The following PRH1 variants were observed in gnomAD, a reference collection of about 807,000 sequenced individuals.
The protein encoded by PRH1 is salivary acidic proline-rich phosphoprotein 1/2.
In PRH1, 7 loss-of-function variants were observed where a neutral mutation model predicts 7.9. That is an observed-to-expected ratio of 0.89 (90% confidence interval 0.50 to 1.67). The LOEUF (loss-of-function observed/expected upper bound fraction) is 1.67, where lower values mean the gene tolerates loss of function less well. PRH1 is among the 40% of genes most tolerant of loss of function. The pLI is 0.00. For missense variants in PRH1, 109 were observed against 223.6 expected (o/e 0.49, Z 3.27); for synonymous variants, 45 against 80.8 (o/e 0.56, Z 2.38).
At chr12:11,084,477 C>A (rs78131317) in intron 1 of PRH1, among the ~76,000 whole-genome samples, 2 of 145,476 alleles carry the variant, frequency 1.4e-5, no homozygotes, top group South Asian at 2.1e-4. Context: ...AATACTGGGT[C>A]TTCAGATGTG....
intron 1 of PRH1, among the ~76,000 whole-genome samples, chr12:11,128,348 A>C (rs1052201519): frequency 7.2e-6 from 1 of 138,010 alleles, no homozygotes; most frequent in Non-Finnish European, 1.6e-5. Context: ...ACTGTTTCTA[A>C]GAGGGGATCT....
intron 2 of PRH1, among the ~76,000 whole-genome samples, chr12:10,952,527 C>T (rs1937736640): frequency 6.6e-6 from 1 of 152,074 alleles, no homozygotes; most frequent in Non-Finnish European, 1.5e-5. Context: ...TCAAAGTTTA[C>T]TGCAAGTTTA....
At chr12:11,015,148 C>T (rs1412213384) in intron 1 of PRH1, among the ~76,000 whole-genome samples, 2 of 152,218 alleles carry the variant, frequency 1.3e-5, no homozygotes, top group African/African-American at 4.8e-5. Flanking sequence ...GTGTACAACT[C>T]CAGTAAACAC....
chr12:10,906,852 CAG>C (rs2135819682), intron 2 of PRH1, among the ~76,000 whole-genome samples: 1 of 152,148 alleles, frequency 6.6e-6, no homozygotes, highest in East Asian at 1.9e-4. Flanking sequence ...TGGACTAATA[CAG>C]AGACTATATA....
chr12:11,101,232 T>A (rs1945237943), intron 1 of PRH1, among the ~76,000 whole-genome samples: 1 of 152,128 alleles, frequency 6.6e-6, no homozygotes, highest in Non-Finnish European at 1.5e-5. Context: ...CTCACACCTG[T>A]AATCCCATCA....
chr12:11,167,489 G>A (rs1319879217), intron 1 of PRH1, among the ~76,000 whole-genome samples: 2 of 148,920 alleles, frequency 1.3e-5, no homozygotes, highest in South Asian at 2.1e-4. Flanking sequence ...CTGTCACCCA[G>A]GCTGGAGTGC....
intron 2 of PRH1, among the ~76,000 whole-genome samples, chr12:10,911,486 C>G (rs1591671015): frequency 6.6e-6 from 1 of 152,160 alleles, no homozygotes; most frequent in East Asian, 1.9e-4. Context: ...TTTCAGCAGT[C>G]TGAACTGAAA....
intron 2 of PRH1, among the ~76,000 whole-genome samples, chr12:10,905,861 A>G (rs1949795301): frequency 6.6e-6 from 1 of 152,194 alleles, no homozygotes; most frequent in South Asian, 2.1e-4. Flanking sequence ...GAACTATACA[A>G]TTTTAACTAA....
rs150378454 is a variant in PRH1, at chr12:11,163,775, T to C, written n.39+7647A>G. ...GCAGATTCAAAGCTAAGCATCTAGA[T>C]ACAATGTGTGTATCAGATTTTTTAC... On this transcript the variant is annotated intron_variant and non_coding_transcript_variant, in intron 1 of 1. Coordinates refer to the PRH1 transcript ENST00000541175. Among the ~76,000 whole-genome samples, 14 of 152,336 alleles carry C rather than the reference T, an allele frequency of 9.2e-5. No individual in the cohort carries two copies. The East Asian group carries it at 2.7e-3, about 29-fold the overall frequency.
chr12:11,030,789 C>T (rs368509785), intron 1 of PRH1: 1 of 1,614,044 alleles, frequency 6.2e-7, no homozygotes, highest in Non-Finnish European at 8.5e-7. Context: ...ACTAAGTTTC[C>T]TAGCGTGGTT....
upstream of PRH1, among the ~76,000 whole-genome samples, chr12:10,885,533 G>A (rs1201570960): frequency 2.6e-5 from 4 of 151,860 alleles, no homozygotes; most frequent in Non-Finnish European, 5.9e-5. Context: ...GCCCTGTCAG[G>A]GTCCTGGTTT....
At chr12:11,054,904 C>CTG (rs1943302304) in intron 1 of PRH1, among the ~76,000 whole-genome samples, 5 of 126,498 alleles carry the variant, frequency 4.0e-5, no homozygotes, top group Admixed American at 1.6e-4. Context: ...ACTGCAAGCT[C>CTG]CGCCTCACTG....
intron 1 of PRH1, among the ~76,000 whole-genome samples, chr12:10,990,796 G>A (rs902726277): frequency 4.6e-5 from 7 of 152,156 alleles, no homozygotes; most frequent in Non-Finnish European, 8.8e-5. Context: ...GTATGTTTTT[G>A]AGGGTAGAAC....
At chr12:10,967,974 A>C (rs1802788509) in intron 2 of PRH1, among the ~76,000 whole-genome samples, 1 of 152,164 alleles carries the variant, frequency 6.6e-6, no homozygotes, top group Admixed American at 6.5e-5. Flanking sequence ...TCAGCTACTC[A>C]GGAGGCTGAG....
intron 2 of PRH1, among the ~76,000 whole-genome samples, chr12:10,903,953 AAC>A (rs1223529277): frequency 2.1e-5 from 3 of 146,324 alleles, no homozygotes; most frequent in African/African-American, 7.5e-5. Context: ...AAAAAAAAAA[AAC>A]AACTAGGACT....
chr12:11,074,266 T>TAGC (rs1282019847), intron 1 of PRH1, among the ~76,000 whole-genome samples: 57,474 of 128,476 alleles, frequency 0.45, 12,717 homozygotes, highest in Non-Finnish European at 0.52. Context: ...GGAGATTAGT[T>TAGC]TTGGGGAAGG....
intron 1 of PRH1, among the ~76,000 whole-genome samples, chr12:11,099,264 C>G (rs1428378223): frequency 1.3e-5 from 2 of 152,052 alleles, no homozygotes; most frequent in African/African-American, 4.8e-5. Flanking sequence ...TTCCATTTAC[C>G]ATGAGAATAT....
chr12:11,110,982 A>C (rs1042754336), intron 1 of PRH1, among the ~76,000 whole-genome samples: 2 of 152,178 alleles, frequency 1.3e-5, no homozygotes, highest in Admixed American at 1.3e-4. Flanking sequence ...TGGAAAGCAA[A>C]AGAAAGCAGG....
intron 1 of PRH1, among the ~76,000 whole-genome samples, chr12:11,144,245 CCTT>C (rs34517154): frequency 0.45 from 68,840 of 151,504 alleles, 16,430 homozygotes; most frequent in Non-Finnish European, 0.52. Flanking sequence ...CTCAGACTCT[CCTT>C]CTGTGGGTCT....
Sources: allele counts gnomAD v4.1 joint callset (sites outside exome capture counted in the v4.1 genomes callset), GRCh38; gene constraint gnomAD v4.1.1; transcripts MANE v1.5; gene names NCBI Gene and HGNC (gene_info 2026-07-23, HGNC 2026-07-21).